Variants in SYT3 observed in about 807,000 individuals in gnomAD.
SYT3 encodes the protein synaptotagmin-3.
A neutral mutation model predicts 50.6 loss-of-function variants in SYT3; 25 were observed. The ratio of observed to expected loss-of-function variants is 0.49; its 90% CI spans 0.36 to 0.69. SYT3 has a LOEUF of 0.69. Among genes scored for constraint, SYT3 ranks in the 30% least tolerant of loss-of-function variants. SYT3 has a pLI of 0.00. For synonymous variants in SYT3, 323 were observed against 353.9 expected, an observed-to-expected ratio of 0.91 and a Z score of 0.98; for missense variants, 589 against 793.6, an observed-to-expected ratio of 0.74 and a Z score of 3.10.
chr19:50,637,500 A>T lies in SYT3; in HGVS notation c.-15-74T>A. On this transcript the variant is annotated intron_variant, in intron 2 of 10. Transcript: ENST00000600079. This position sits in a 1 kb window ranked among gnomAD's most constrained non-coding sequence, Gnocchi z 4.9. ...GAGTGCAGGGTGGGCAGGTGTGGAGATAAGGGTGGAAAGAGACACCGAGAA... is the reference window on the plus strand; with the variant it reads ...GAGTGCAGGGTGGGCAGGTGTGGAGTTAAGGGTGGAAAGAGACACCGAGAA... 1.5e-6 allele frequency: 2 copies of T among 1,359,386 alleles called. No individual in the cohort carries two copies. Among genetic ancestry groups the T allele is most frequent in the Non-Finnish European group, 2.0e-6 (2 of 993,396 alleles). 84.2% of individuals were successfully genotyped at this position (1,359,386 alleles called of 1,614,324 possible).
At chr19:50,640,491 T>C (rs1353664808), upstream of SYT3, among the ~76,000 whole-genome samples, 1 of 152,236 alleles carries the variant, frequency 6.6e-6, no homozygotes, top group African/African-American at 2.4e-5. Flanking sequence ...ATGGCAATTG[T>C]CATTTCCTAT....
rs1984021188 is a variant in SYT3 at position 50,625,564 on chromosome 19, T to C, written c.1403A>G (p.Asp468Gly). 1 of 1,580,034 alleles carries C rather than the reference T, an allele frequency of 6.3e-7. No individual in the cohort carries two copies. The highest frequency in any genetic ancestry group is 1.4e-5 in the African/African-American group (1 of 73,282). Residue 468 changes from aspartate (D) to glycine (G), a missense_variant and splice_region_variant, in exon 8 of 11, where the codon GAC becomes GGC. By Grantham distance (94) the Asp-to-Gly change is moderately conservative. Transcript: ENST00000600079. The surrounding 1 kb of genome is among the most constrained non-coding windows in gnomAD (Gnocchi z 7.5). ...GATCAGGGAGGCCTTCACGTAGGGG[T>C]CTGGGAACAGCAATGAAGTAAGGAA... ...LKAMDLTGFS[D>G]PYVKASLISE...
chr19:50,655,119 AT>A, the SYT3 span, among the ~76,000 whole-genome samples: 1 of 152,214 alleles, frequency 6.6e-6, no homozygotes, highest in Non-Finnish European at 1.5e-5. Flanking sequence ...GCATGGTCAC[AT>A]GGCCACACTT....
At chr19:50,648,755 G>C in the SYT3 span, among the ~76,000 whole-genome samples, 1 of 140,336 alleles carries the variant, frequency 7.1e-6, no homozygotes, top group Non-Finnish European at 1.6e-5. Context: ...CTCCCCACTA[G>C]AGAACCCACT....
In SYT3 at chr19:50,632,993, A is replaced by AT. The variant is rs112653915; in HGVS notation, c.149-183dup. On this transcript the variant is annotated intron_variant, in intron 3 of 10. Coordinates refer to ENST00000600079, the MANE Select transcript of SYT3 (RefSeq NM_001160329.2). The surrounding 1 kb of genome is among the most constrained non-coding windows in gnomAD (Gnocchi z 4.7). Reference sequence around the variant, plus strand: ...ACAACTCTACAAGGTTAAGTATTGTATTTTTTTAAAGAGATGGAATCTCTG... The same window carrying AT: ...ACAACTCTACAAGGTTAAGTATTGTATTTTTTTTAAAGAGATGGAATCTCTG... 9.4e-3 allele frequency among the ~76,000 whole-genome samples: 1,436 copies of AT among 152,222 alleles called. 23 individuals are homozygous for AT. Among genetic ancestry groups the AT allele is most frequent in the African/African-American group, 0.033 (1,379 of 41,520 alleles).
Position 50,625,977 on chromosome 19 carries a change from T to C in SYT3, c.1322A>G (p.Tyr441Cys). 1 of 1,613,898 alleles carries C rather than the reference T, an allele frequency of 6.2e-7. No homozygotes were observed. Among genetic ancestry groups the C allele is most frequent in the Non-Finnish European group, 8.5e-7 (1 of 1,179,938 alleles). Residue 441 changes from tyrosine to cysteine, a missense_variant, in exon 7 of 11, where the codon TAC (tyrosine) becomes TGC (cysteine). By Grantham distance (194) the Tyr-to-Cys change is radical (BLOSUM62 -2). Transcript: ENST00000600079. This position sits in a 1 kb window ranked among gnomAD's most constrained non-coding sequence, Gnocchi z 7.5. ...GGTGAGGCGCCCGGCCGTGGGGAGG[T>C]AGCAGAGTGAGAAGTTGAGCTCCCC... Reference protein sequence around the residue: ...DLGELNFSLCYLPTAGRLTVT... With the variant: ...DLGELNFSLCCLPTAGRLTVT...
Position 50,639,174 on chromosome 19 carries a change from A to G in SYT3, c.-153-12T>C, listed in dbSNP as rs1568418047. ...GTCTGATCTAGGGGCTGAGGCCGGG[A>G]GAAAAAGCTCAGCTTAACAGTCACA... is the stretch of plus-strand genomic sequence containing the variant. On this transcript the variant is annotated splice_polypyrimidine_tract_variant and intron_variant, in intron 1 of 10. Coordinates refer to ENST00000600079, the MANE Select transcript of SYT3 (RefSeq NM_001160329.2). This position sits in a 1 kb window ranked among gnomAD's most constrained non-coding sequence, Gnocchi z 4.6. 1 of 152,210 alleles carries G rather than the reference A, an allele frequency of 6.6e-6. No individual in the cohort carries two copies. Among genetic ancestry groups the G allele is most frequent in the Non-Finnish European group, 1.5e-5 (1 of 68,104 alleles). The allele number at this position is 152,210 out of a possible 1,614,324, so 9.4% of individuals were successfully genotyped here. A position where few individuals can be genotyped will look rare whatever the true frequency, so the allele number is the denominator to read the frequency against.
chr19:50,640,804 T>C (rs1295748110), upstream of SYT3, among the ~76,000 whole-genome samples: 1 of 152,246 alleles, frequency 6.6e-6, no homozygotes, highest in African/African-American at 2.4e-5. Flanking sequence ...AAAGCTGTCC[T>C]GTGCTGCATG....
rs72133836 is a variant in SYT3 at position 50,630,381 on chromosome 19, TCTCCCTCCCTCC to T, written c.675-222_675-211del. 5.6e-4 allele frequency among the ~76,000 whole-genome samples: 84 copies of T among 149,218 alleles called. No homozygotes were observed. The South Asian group carries it at 0.017, about 31-fold the overall frequency. The stretch of plus-strand genomic sequence containing the variant: ...ATTGGTATCTGGGGGGCATTCCTTC[TCTCCCTCCCTCC>T]CTCCCTCCCTCCCTTCTTTCCTTCC... On this transcript the variant is annotated intron_variant, in intron 4 of 10. Coordinates refer to ENST00000600079, the MANE Select transcript of SYT3 (RefSeq NM_001160329.2).
At chr19:50,629,543 C>T in intron 5 of SYT3, 31 bp from the exon 6 acceptor site, 1 of 1,591,358 alleles carries the variant, frequency 6.3e-7, no homozygotes, top group Non-Finnish European at 8.6e-7. Context: ...GAGACAGACA[C>T]CGTGCCCATA....
At chr19:50,644,845 G>T (rs931300371), upstream of SYT3, among the ~76,000 whole-genome samples, 1 of 151,938 alleles carries the variant, frequency 6.6e-6, no homozygotes. Flanking sequence ...AGGGATGAGT[G>T]GATGGCTAGG....
chr19:50,653,682 GCACACACACACACACACACACACACACA>G, the SYT3 span, among the ~76,000 whole-genome samples: 75 of 121,922 alleles, frequency 6.2e-4, no homozygotes, highest in East Asian at 1.1e-3. Context: ...ATGAGAGACA[GCACACACACACACACACACACACACACA>G]CACACACACA....
rs1984522362 is a variant in SYT3 at position 50,637,211 on chromosome 19, C to A, written c.148+53G>T. 1 of 1,594,100 alleles carries A rather than the reference C, an allele frequency of 6.3e-7. No individual in the cohort carries two copies. Among genetic ancestry groups the A allele is most frequent in the South Asian group, 1.1e-5 (1 of 90,272 alleles). On this transcript the variant is annotated intron_variant, in intron 3 of 10. Transcript: ENST00000600079. The surrounding 1 kb of genome is among the most constrained non-coding windows in gnomAD (Gnocchi z 4.9). ...AAAGCTGAGCAGTTCTGCTCCGAGTCTCCTGGCCATAGTGCAAGCAGGGGG... is the reference window on the plus strand; with the variant it reads ...AAAGCTGAGCAGTTCTGCTCCGAGTATCCTGGCCATAGTGCAAGCAGGGGG...
At chr19:50,643,663 C>T (rs1446613900), upstream of SYT3, among the ~76,000 whole-genome samples, 1 of 151,940 alleles carries the variant, frequency 6.6e-6, no homozygotes, top group Non-Finnish European at 1.5e-5. Flanking sequence ...TCGATTCATG[C>T]AGTCATTTGA....
chr19:50,640,012 C>G (rs779355658), upstream of SYT3, among the ~76,000 whole-genome samples: 2 of 152,212 alleles, frequency 1.3e-5, no homozygotes, highest in Non-Finnish European at 2.9e-5. Flanking sequence ...AGCAGAGACC[C>G]AGTGGGTTTC....
At position 50,630,381 on chromosome 19, in the gene SYT3, T is replaced by TCTCC. The variant is rs72133836; in HGVS notation, c.675-214_675-211dup. On this transcript the variant is annotated intron_variant, in intron 4 of 10. Coordinates refer to ENST00000600079, the MANE Select transcript of SYT3 (RefSeq NM_001160329.2). ...ATTGGTATCTGGGGGGCATTCCTTC[T>TCTCC]CTCCCTCCCTCCCTCCCTCCCTCCC... 6.2e-4 allele frequency among the ~76,000 whole-genome samples: 92 copies of TCTCC among 149,224 alleles called. 1 individual carries two copies. The highest frequency in any genetic ancestry group is 4.4e-4 in the Non-Finnish European group (30 of 67,620).
chr19:50,647,419 C>T, the SYT3 span, among the ~76,000 whole-genome samples: 3 of 151,926 alleles, frequency 2.0e-5, no homozygotes, highest in African/African-American at 7.3e-5. Flanking sequence ...GGTGTGGTGG[C>T]TCACACCTGT....
chr19:50,638,542 G>A (rs1984568114), intron 2 of SYT3, among the ~76,000 whole-genome samples: 1 of 152,100 alleles, frequency 6.6e-6, no homozygotes, highest in Admixed American at 6.6e-5. Flanking sequence ...GAACAGGCAG[G>A]CAGAAGGAAA....
At chr19:50,633,784 G>A (rs1057027477) in intron 3 of SYT3, among the ~76,000 whole-genome samples, 2 of 152,170 alleles carry the variant, frequency 1.3e-5, no homozygotes, top group African/African-American at 2.4e-5. Flanking sequence ...CACTACATGA[G>A]GTTGGCAACA....
Sources: gnomAD v4.1 joint callset for allele counts (sites outside exome capture counted in the v4.1 genomes callset) on GRCh38, gnomAD v4.1.1 for gene constraint, Gnocchi (gnomAD v3.1) non-coding constraint, MANE v1.5 for transcripts, NCBI Gene and HGNC (gene_info 2026-07-23, HGNC 2026-07-21) for gene names.